Variants in GRID2IP observed in about 807,000 individuals in gnomAD.
GRID2IP encodes the protein delphilin.
Under a neutral mutation model 114.3 loss-of-function variants are expected in GRID2IP, and 78 were observed. The ratio of observed to expected loss-of-function variants is 0.68; its 90% CI spans 0.57 to 0.82. GRID2IP has a LOEUF of 0.82. GRID2IP is among the 40% of genes least tolerant of loss of function. The pLI is 0.00. For missense variants in GRID2IP, 1,727 were observed against 1,678.5 expected (o/e 1.03, Z -0.51); for synonymous variants, 809 against 724.0 (o/e 1.12, Z -1.89).
chr7:6,510,424 C>T (rs1412642652), intron 10 of GRID2IP, 24 bp from the exon 11 acceptor site: 3 of 1,478,306 alleles, frequency 2.0e-6, no homozygotes, highest in East Asian at 5.1e-5. Flanking sequence ...GGGGAGAGTC[C>T]AGCCCATTCT....
chr7:6,521,595 C>T lies in GRID2IP; in HGVS notation c.990-72G>A. On this transcript the variant is annotated intron_variant, in intron 5 of 21. Coordinates refer to ENST00000457091, the MANE Select transcript of GRID2IP (RefSeq NM_001145118.2). The surrounding 1 kb of genome is among the most constrained non-coding windows in gnomAD (Gnocchi z 4.1). The stretch of plus-strand genomic sequence containing the variant: ...GTCCACGGCCACCAGCCAGACCTCC[C>T]TGTCCTGCCCACAGAGGTCACACAG... The T allele has an allele frequency of 9.1e-7, 1 of 1,104,116 alleles. No individual in the cohort carries two copies. Among genetic ancestry groups the T allele is most frequent in the Non-Finnish European group, 1.3e-6 (1 of 769,606 alleles). 68.4% of individuals were successfully genotyped at this position (1,104,116 alleles called of 1,614,324 possible). A position where few individuals can be genotyped will look rare whatever the true frequency, so the allele number is the denominator to read the frequency against.
rs1779980780 is a variant in GRID2IP at position 6,551,428 on chromosome 7, G to T, written c.9C>A (p.Thr3=). ...CCTGGTTCGTGGCCGGCGTGGCAGT[G>T]GTGGCCATGCACCTAGAACTGGAGA... The part of the protein sequence containing the change: MA[T]TATPATNQGW... The change falls in exon 1 of 22, where the codon ACC becomes ACA. Residue 3 remains threonine, a synonymous_variant. Transcript: ENST00000457091. 5.2e-6 allele frequency: 8 copies of T among 1,543,590 alleles called. No homozygotes were observed. The highest frequency in any genetic ancestry group is 6.1e-6 in the Non-Finnish European group (7 of 1,143,688).
chr7:6,544,617 C>A (rs775439481), intron 1 of GRID2IP, among the ~76,000 whole-genome samples: 1 of 152,008 alleles, frequency 6.6e-6, no homozygotes, highest in Non-Finnish European at 1.5e-5. Context: ...CCATTCCCTG[C>A]AGCTTATATA....
chr7:6,502,909 C>A, intron 17 of GRID2IP, 37 bp from the exon 18 acceptor site: 1 of 1,541,478 alleles, frequency 6.5e-7, no homozygotes. Context: ...TGTCCTCACC[C>A]CACCACCCAT....
rs535182252 is a variant in GRID2IP at position 6,528,613 on chromosome 7, C to T, written c.585-1844G>A. 3.3e-3 allele frequency among the ~76,000 whole-genome samples: 496 copies of T among 152,312 alleles called. 6 individuals are homozygous for T. The highest frequency in any genetic ancestry group is 5.4e-3 in the Non-Finnish European group (366 of 68,026). On this transcript the variant is annotated intron_variant, in intron 2 of 21. Coordinates refer to ENST00000457091, the MANE Select transcript of GRID2IP (RefSeq NM_001145118.2). This position sits in a 1 kb window ranked among gnomAD's most constrained non-coding sequence, Gnocchi z 6.0. Reference sequence around the variant, plus strand: ...GGGAGAAGGGAGAAGGGATCAGTGGCCTTGCAGCTGAAAGACAAACCCCTC... The same window carrying T: ...GGGAGAAGGGAGAAGGGATCAGTGGTCTTGCAGCTGAAAGACAAACCCCTC...
rs1448943306 is a variant in GRID2IP at position 6,503,138 on chromosome 7, G to T, written c.2933C>A (p.Thr978Lys). Residue 978 changes from threonine to lysine, a missense_variant, in exon 17 of 22, where the codon ACA (threonine) becomes AAA (lysine). Physicochemically the swap from Thr to Lys is moderately conservative, Grantham distance 78 (BLOSUM62 -1). Coordinates refer to ENST00000457091, the MANE Select transcript of GRID2IP (RefSeq NM_001145118.2). ...CTGGAAGTGGAGGCTGCGCAGGCGT[G>T]TCTTGTATTCGGGAACTGACAGCAT... is the stretch of plus-strand genomic sequence containing the variant. ...LQMLSVPEYK[T>K]RLRSLHFQAT... 6.5e-7 allele frequency: 1 copy of T among 1,539,152 alleles called. No homozygotes were observed. Among genetic ancestry groups the T allele is most frequent in the Admixed American group, 2.0e-5 (1 of 49,554 alleles).
At chr7:6,549,869 C>T (rs1779944550) in intron 1 of GRID2IP, among the ~76,000 whole-genome samples, 1 of 150,872 alleles carries the variant, frequency 6.6e-6, no homozygotes, top group African/African-American at 2.4e-5. Flanking sequence ...GAGTTCAAGT[C>T]ATCAGCCCTC....
intron 20 of GRID2IP, among the ~76,000 whole-genome samples, chr7:6,498,727 GAGGTTTACACCAC>G (rs1786331491): frequency 6.6e-6 from 1 of 151,550 alleles, no homozygotes; most frequent in African/African-American, 2.4e-5. Flanking sequence ...GCTGGGACCA[GAGGTTTACACCAC>G]CATACCCAGC....
In GRID2IP at chr7:6,508,193, C is replaced by G. The variant is rs1181392434; in HGVS notation, c.2336G>C (p.Gly779Ala). 4 of 1,513,672 alleles carry G rather than the reference C, an allele frequency of 2.6e-6. No individual in the cohort carries two copies. Among genetic ancestry groups the G allele is most frequent in the Non-Finnish European group, 3.5e-6 (4 of 1,130,508 alleles). The allele number at this position is 1,513,672 out of a possible 1,614,324, so 93.8% of individuals were successfully genotyped here. The change falls in exon 13 of 22, where the codon GGC becomes GCC. Residue 779 changes from glycine to alanine, a missense_variant. By Grantham distance (60) the Gly-to-Ala change is moderately conservative. Coordinates refer to ENST00000457091, the MANE Select transcript of GRID2IP (RefSeq NM_001145118.2). The surrounding 1 kb of genome is among the most constrained non-coding windows in gnomAD (Gnocchi z 5.6). ...PSSRSSDGSR[G>A]PAQALAKPLT... The stretch of plus-strand genomic sequence containing the variant: ...GGGCTTGGCCAGCGCCTGAGCAGGG[C>G]CCCGGGAACCATCAGAGCTGCGGGA...
chr7:6,540,651 G>C (rs1471500521), intron 1 of GRID2IP, among the ~76,000 whole-genome samples: 2 of 149,798 alleles, frequency 1.3e-5, no homozygotes, highest in Non-Finnish European at 3.0e-5. Context: ...CTCCCAAGTA[G>C]CTGGGATTAC....
At chr7:6,511,476 G>A (rs551067978) in intron 8 of GRID2IP, among the ~76,000 whole-genome samples, 7 of 152,112 alleles carry the variant, frequency 4.6e-5, no homozygotes, top group Admixed American at 1.3e-4. Context: ...AGGTTCAAGC[G>A]ATTCTCCTGC....
In GRID2IP at chr7:6,516,466, C is replaced by G. The variant is rs974878745; in HGVS notation, c.1269-1937G>C. 1.3e-5 allele frequency among the ~76,000 whole-genome samples: 2 copies of G among 151,744 alleles called. No individual in the cohort carries two copies. The highest frequency in any genetic ancestry group is 4.8e-5 in the African/African-American group (2 of 41,350). The stretch of plus-strand genomic sequence containing the variant: ...GACACGGTGAGAAGTGACCAAAAGA[C>G]AAGAGTGTGAGCCCTCCGTTATGCC... On this transcript the variant is annotated intron_variant, in intron 7 of 21. Transcript: ENST00000457091. This position sits in a 1 kb window ranked among gnomAD's most constrained non-coding sequence, Gnocchi z 4.3.
intron 1 of GRID2IP, among the ~76,000 whole-genome samples, chr7:6,546,430 G>A (rs1226402115): frequency 5.3e-5 from 8 of 151,522 alleles, no homozygotes; most frequent in East Asian, 2.0e-4. Flanking sequence ...TTAGCCGGGC[G>A]TGGTGGTACA....
At position 6,509,335 on chromosome 7, in the gene GRID2IP, A is replaced by C; in HGVS notation, c.1772-22T>G. On this transcript the variant is annotated intron_variant, in intron 11 of 21. Transcript: ENST00000457091. This position sits in a 1 kb window ranked among gnomAD's most constrained non-coding sequence, Gnocchi z 4.9. The stretch of plus-strand genomic sequence containing the variant: ...GGCCCTGGAGGAGGGATGGAGTATG[A>C]GGATTCCTCTTCAGCCAGCACCGAG... 4.1e-6 allele frequency: 6 copies of C among 1,469,998 alleles called. No individual in the cohort carries two copies. The highest frequency in any genetic ancestry group is 4.5e-6 in the Non-Finnish European group (5 of 1,107,494). 91.1% of individuals were successfully genotyped at this position (1,469,998 alleles called of 1,614,324 possible).
rs1353159584 is a variant in GRID2IP, at chr7:6,528,611, G to A, written c.585-1842C>T. On this transcript the variant is annotated intron_variant, in intron 2 of 21. Coordinates refer to ENST00000457091, the MANE Select transcript of GRID2IP (RefSeq NM_001145118.2). The surrounding 1 kb of genome is among the most constrained non-coding windows in gnomAD (Gnocchi z 6.0). The stretch of plus-strand genomic sequence containing the variant: ...GGGGGAGAAGGGAGAAGGGATCAGT[G>A]GCCTTGCAGCTGAAAGACAAACCCC... Among the ~76,000 whole-genome samples the A allele has an allele frequency of 6.6e-6, 1 of 152,178 alleles. No homozygotes were observed. The highest frequency in any genetic ancestry group is 1.5e-5 in the Non-Finnish European group (1 of 68,014).
chr7:6,504,721 G>A (rs1786525324), intron 15 of GRID2IP, 72 bp downstream of exon 15: 1 of 1,164,266 alleles, frequency 8.6e-7, no homozygotes, highest in Non-Finnish European at 1.2e-6. Context: ...TCATCCACCT[G>A]GGCAGGTCTG....
Position 6,506,174 on chromosome 7 carries a change from G to A in GRID2IP, c.2545-267C>T, listed in dbSNP as rs749112731. ...GAAGCCAGCAAGGTGGGACTGCAGCGGGGGCATGAAGGAGCTGTGAAGAGG... is the reference window on the plus strand; with the variant it reads ...GAAGCCAGCAAGGTGGGACTGCAGCAGGGGCATGAAGGAGCTGTGAAGAGG... On this transcript the variant is annotated intron_variant, in intron 13 of 21. Coordinates refer to ENST00000457091, the MANE Select transcript of GRID2IP (RefSeq NM_001145118.2). The surrounding 1 kb of genome is among the most constrained non-coding windows in gnomAD (Gnocchi z 5.2). 5.9e-5 allele frequency among the ~76,000 whole-genome samples: 9 copies of A among 152,210 alleles called. No homozygotes were observed. Among genetic ancestry groups the A allele is most frequent in the Non-Finnish European group, 1.0e-4 (7 of 68,024 alleles).
At position 6,508,915 on chromosome 7, in the gene GRID2IP, C is replaced by G; in HGVS notation, c.2127+43G>C. On this transcript the variant is annotated intron_variant, in intron 12 of 21. Coordinates refer to ENST00000457091, the MANE Select transcript of GRID2IP (RefSeq NM_001145118.2). The surrounding 1 kb of genome is among the most constrained non-coding windows in gnomAD (Gnocchi z 5.6). The stretch of plus-strand genomic sequence containing the variant: ...CACTGTTGCCTTGCAGACCGCCACA[C>G]CTCGCCTCACCCGCCTCCCTCCACA... 1 of 1,522,912 alleles carries G rather than the reference C, an allele frequency of 6.6e-7. No individual in the cohort carries two copies. Among genetic ancestry groups the G allele is most frequent in the South Asian group, 1.2e-5 (1 of 80,770 alleles). 94.3% of individuals were successfully genotyped at this position (1,522,912 alleles called of 1,614,324 possible).
Position 6,514,445 on chromosome 7 carries a change from C to G in GRID2IP, c.1353G>C (p.Leu451=). Residue 451 remains leucine, a synonymous_variant, in exon 8 of 22, where the codon CTG becomes CTC. Transcript: ENST00000457091. ...KQVLWQFIYQ[L]LTYEEQELCQ... Reference sequence around the variant, plus strand: ...AGAGCTCCTGCTCCTCATAGGTCAGCAGCTGGTAGATGAACTGCCACAGGA... The same window carrying G: ...AGAGCTCCTGCTCCTCATAGGTCAGGAGCTGGTAGATGAACTGCCACAGGA... 6.5e-7 allele frequency: 1 copy of G among 1,550,076 alleles called. No homozygotes were observed. Among genetic ancestry groups the G allele is most frequent in the Non-Finnish European group, 8.7e-7 (1 of 1,146,218 alleles).
Sources: allele counts gnomAD v4.1 joint callset (sites outside exome capture counted in the v4.1 genomes callset), GRCh38; gene constraint gnomAD v4.1.1; non-coding constraint Gnocchi (gnomAD v3.1); transcripts MANE v1.5; gene names NCBI Gene and HGNC (gene_info 2026-07-23, HGNC 2026-07-21).